Variants in CSMD1 observed in about 807,000 individuals in gnomAD.
The protein encoded by CSMD1 is CUB and sushi domain-containing protein 1.
CSMD1 carries 213 observed loss-of-function variants against 417.5 expected under a neutral mutation model. The observed-to-expected ratio is 0.51, with a 90% CI of 0.46 to 0.57. The LOEUF is 0.57. Ranked by LOEUF, CSMD1 falls within the 20% of genes least tolerant of loss-of-function variation. The probability of loss-of-function intolerance (pLI) is 0.00; values close to 1 mark genes in which losing one functional copy is unlikely to be tolerated. For missense variants in CSMD1, 6,923 were observed against 4,529.7 expected (o/e 1.53, Z -15.17); for synonymous variants, 2,862 against 1,736.8 (o/e 1.65, Z -16.11).
chr8:3,669,301 T>C (rs926258451), intron 7 of CSMD1, among the ~76,000 whole-genome samples: 3 of 152,176 alleles, frequency 2.0e-5, no homozygotes, highest in Admixed American at 6.5e-5. Flanking sequence ...TGTCATTGTG[T>C]TGCCTGTTTG....
At chr8:4,939,419 T>C (rs1238032824) in intron 1 of CSMD1, among the ~76,000 whole-genome samples, 1 of 152,178 alleles carries the variant, frequency 6.6e-6, no homozygotes, top group Non-Finnish European at 1.5e-5. Context: ...AACAGGTGAA[T>C]CGATAAAGAA....
chr8:3,120,120 T>A (rs1389744838), intron 41 of CSMD1, among the ~76,000 whole-genome samples: 1 of 152,110 alleles, frequency 6.6e-6, no homozygotes, highest in Non-Finnish European at 1.5e-5. Context: ...TTTCCCAGAA[T>A]TCTAGACTTT....
intron 6 of CSMD1, among the ~76,000 whole-genome samples, chr8:3,734,397 G>T (rs917324151): frequency 1.3e-5 from 2 of 152,272 alleles, no homozygotes; most frequent in African/African-American, 4.8e-5. Context: ...GGAAGCATTG[G>T]GAACACTGCT....
chr8:3,244,514 G>C (rs1387888666), intron 26 of CSMD1, among the ~76,000 whole-genome samples: 3 of 152,192 alleles, frequency 2.0e-5, no homozygotes, highest in African/African-American at 7.2e-5. Flanking sequence ...AAGTACACCA[G>C]CTTTTACACT....
intron 18 of CSMD1, among the ~76,000 whole-genome samples, chr8:3,372,685 G>C (rs1362579564): frequency 6.6e-6 from 1 of 152,178 alleles, no homozygotes; most frequent in Non-Finnish European, 1.5e-5. Context: ...CAGGTCATGA[G>C]TGTAAGGCAG....
At chr8:3,889,616 G>C (rs547977864) in intron 5 of CSMD1, among the ~76,000 whole-genome samples, 2 of 150,476 alleles carry the variant, frequency 1.3e-5, no homozygotes, top group East Asian at 3.9e-4. Flanking sequence ...AGTTCACTCA[G>C]CTGACAGTGT....
chr8:4,766,478 C>T (rs6558914), intron 1 of CSMD1, among the ~76,000 whole-genome samples: 44,321 of 152,086 alleles, frequency 0.29, 6,928 homozygotes, highest in Non-Finnish European at 0.35. Flanking sequence ...AAGAAGAGAG[C>T]TGCAACCAGA....
intron 3 of CSMD1, among the ~76,000 whole-genome samples, chr8:4,160,198 T>C (rs1797068562): frequency 6.6e-6 from 1 of 152,188 alleles, no homozygotes; most frequent in Non-Finnish European, 1.5e-5. Context: ...TATTTGTCTT[T>C]TATATAGCAA....
intron 5 of CSMD1, among the ~76,000 whole-genome samples, chr8:3,890,247 A>C (rs1157062076): frequency 6.6e-6 from 1 of 152,190 alleles, no homozygotes; most frequent in Non-Finnish European, 1.5e-5. Flanking sequence ...CTTGTTGTTC[A>C]AACTTGCAAA....
rs139553513 is a variant in CSMD1 at position 4,746,699 on chromosome 8, G to C, written c.86-109141C>G. On this transcript the variant is annotated intron_variant, in intron 1 of 69. Coordinates refer to ENST00000635120, the MANE Select transcript of CSMD1 (RefSeq NM_033225.6). Reference sequence around the variant, plus strand: ...GCATCTGCTGCTGAGCACATACTCTGAGCTGCTGGGGCTAATCCACAATCC... The same window carrying C: ...GCATCTGCTGCTGAGCACATACTCTCAGCTGCTGGGGCTAATCCACAATCC... Among the ~76,000 whole-genome samples, 336 of 152,198 alleles carry C rather than the reference G, an allele frequency of 2.2e-3. 3 individuals carry two copies. The highest frequency in any genetic ancestry group is 7.8e-3 in the African/African-American group (324 of 41,542).
chr8:3,531,171 TAAG>T (rs1162656185), intron 10 of CSMD1, among the ~76,000 whole-genome samples: 2 of 152,130 alleles, frequency 1.3e-5, no homozygotes, highest in African/African-American at 2.4e-5. Flanking sequence ...CATACTACTT[TAAG>T]AAAATAAGCA....
intron 54 of CSMD1, among the ~76,000 whole-genome samples, chr8:2,991,485 T>C (rs1201402730): frequency 6.6e-6 from 1 of 152,230 alleles, no homozygotes; most frequent in Non-Finnish European, 1.5e-5. Context: ...TATGGCCTTA[T>C]CCTAAGACTT....
intron 64 of CSMD1, 112 bp downstream of exon 64, chr8:2,955,477 G>A: frequency 2.0e-6 from 2 of 990,460 alleles, no homozygotes; most frequent in Admixed American, 2.5e-5. Context: ...TGGCGATGCT[G>A]CAGCCTCATG....
chr8:3,524,322 T>C (rs1260547127), intron 10 of CSMD1, among the ~76,000 whole-genome samples: 1 of 138,640 alleles, frequency 7.2e-6, no homozygotes, highest in Non-Finnish European at 1.6e-5. Context: ...TATGCACACA[T>C]AAACATGCAC....
At chr8:3,577,387 T>G (rs1440876852) in intron 9 of CSMD1, among the ~76,000 whole-genome samples, 1 of 152,206 alleles carries the variant, frequency 6.6e-6, no homozygotes, top group Admixed American at 6.5e-5. Flanking sequence ...ACCAAAAGCT[T>G]TCAAATTAAC....
intron 27 of CSMD1, among the ~76,000 whole-genome samples, chr8:3,229,285 ACAGT>A (rs1418130510): frequency 6.6e-6 from 1 of 152,220 alleles, no homozygotes; most frequent in Non-Finnish European, 1.5e-5. Context: ...TTAAACTGTG[ACAGT>A]TACTTAAAAT....
chr8:4,418,058 A>C (rs897692382), intron 3 of CSMD1, among the ~76,000 whole-genome samples: 1 of 152,016 alleles, frequency 6.6e-6, no homozygotes, highest in African/African-American at 2.4e-5. Flanking sequence ...CTAACTGATA[A>C]ATAGATTTAA....
At chr8:4,711,822 C>A (rs947361965) in intron 1 of CSMD1, among the ~76,000 whole-genome samples, 1 of 152,080 alleles carries the variant, frequency 6.6e-6, no homozygotes, top group African/African-American at 2.4e-5. Context: ...AGGTCCCGAA[C>A]CAAGTAGTTT....
intron 3 of CSMD1, among the ~76,000 whole-genome samples, chr8:4,099,792 C>T (rs1801212224): frequency 2.6e-5 from 4 of 152,172 alleles, no homozygotes; most frequent in Admixed American, 1.3e-4. Flanking sequence ...TATGATAGTA[C>T]TGGGAAGGCT....
Sources: gnomAD v4.1 joint callset for allele counts (sites outside exome capture counted in the v4.1 genomes callset) on GRCh38, gnomAD v4.1.1 for gene constraint, MANE v1.5 for transcripts, NCBI Gene and HGNC (gene_info 2026-07-23, HGNC 2026-07-21) for gene names.